WIF1: variants seen among roughly 807,000 people sequenced by gnomAD.
WIF1 encodes Wnt inhibitory factor 1.
WIF1 carries 35 observed loss-of-function variants against 53.5 expected under a neutral mutation model. The ratio of observed to expected loss-of-function variants is 0.65; its 90% confidence interval spans 0.50 to 0.87. The LOEUF is 0.87. Among genes scored for constraint, WIF1 ranks in the 40% least tolerant of loss-of-function variants. The pLI is 0.00. For missense variants in WIF1, 467 were observed against 476.8 expected, an observed-to-expected ratio of 0.98 and a Z score of 0.19; for synonymous variants, 171 against 170.4, an observed-to-expected ratio of 1.00 and a Z score of -0.03.
At chr12:65,067,521 T>C (rs1882705479) in intron 5 of WIF1, among the ~76,000 whole-genome samples, 174 bp downstream of exon 5, 1 of 152,190 alleles carries the variant, frequency 6.6e-6, no homozygotes, top group Non-Finnish European at 1.5e-5. Context: ...CGGGATGAGT[T>C]GGGGGAGATG....
At chr12:65,091,348 A>G (rs553010261) in intron 2 of WIF1, among the ~76,000 whole-genome samples, 13 of 148,214 alleles carry the variant, frequency 8.8e-5, no homozygotes, top group African/African-American at 2.7e-4. Context: ...CATATATAAT[A>G]TATATTATAC....
At chr12:65,097,740 A>G (rs914520608) in intron 2 of WIF1, among the ~76,000 whole-genome samples, 1 of 152,198 alleles carries the variant, frequency 6.6e-6, no homozygotes, top group African/African-American at 2.4e-5. Context: ...CTGACCAGAG[A>G]GTGAATCTTT....
intron 6 of WIF1, among the ~76,000 whole-genome samples, 196 bp from the exon 7 acceptor site, chr12:65,062,772 G>C (rs1433473764): frequency 6.6e-6 from 1 of 152,006 alleles, no homozygotes; most frequent in African/African-American, 2.4e-5. Flanking sequence ...AACATAATAG[G>C]AGACCACACA....
At chr12:65,073,022 T>C (rs1565751927) in intron 3 of WIF1, among the ~76,000 whole-genome samples, 1 of 152,088 alleles carries the variant, frequency 6.6e-6, no homozygotes, top group Non-Finnish European at 1.5e-5. Flanking sequence ...AGCAGCAAAT[T>C]TGTTCTGATT....
At chr12:65,115,174 T>TAAAAAAAA (rs35429732) in intron 2 of WIF1, among the ~76,000 whole-genome samples, 2 of 106,760 alleles carry the variant, frequency 1.9e-5, no homozygotes, top group Non-Finnish European at 3.8e-5. Flanking sequence ...TTGTCATTGC[T>TAAAAAAAA]AAAAAAAAAA....
intron 6 of WIF1, among the ~76,000 whole-genome samples, chr12:65,065,321 C>T (rs1327507683): frequency 1.3e-5 from 2 of 151,908 alleles, no homozygotes; most frequent in African/African-American, 4.8e-5. Flanking sequence ...CGTGGAAGAA[C>T]CAAGGGCTGA....
At chr12:65,076,647 G>C (rs1882865417) in intron 3 of WIF1, among the ~76,000 whole-genome samples, 1 of 152,062 alleles carries the variant, frequency 6.6e-6, no homozygotes, top group Non-Finnish European at 1.5e-5. Context: ...TCTGTGCTGG[G>C]CCCTGGGGTG....
intron 6 of WIF1, among the ~76,000 whole-genome samples, chr12:65,063,373 A>G (rs999224698): frequency 2.0e-5 from 3 of 152,238 alleles, no homozygotes; most frequent in Admixed American, 6.5e-5. Context: ...ATCTAAAAAT[A>G]GACAAGTTGG....
chr12:65,061,970 T>A (rs1042207179), intron 7 of WIF1, among the ~76,000 whole-genome samples: 1 of 152,226 alleles, frequency 6.6e-6, no homozygotes, highest in Non-Finnish European at 1.5e-5. Context: ...TGTTGCTGTT[T>A]GTGCTACTAT....
At chr12:65,055,016 G>A (rs1387495888) in intron 9 of WIF1, 102 bp downstream of exon 9, 1 of 1,219,500 alleles carries the variant, frequency 8.2e-7, no homozygotes, top group African/African-American at 1.5e-5. Flanking sequence ...AGCCTTTGAA[G>A]CCAAGAAACC....
At chr12:65,063,349 G>C (rs1299121534) in intron 6 of WIF1, among the ~76,000 whole-genome samples, 3 of 152,154 alleles carry the variant, frequency 2.0e-5, no homozygotes, top group African/African-American at 4.8e-5. Context: ...AATGGAGAGG[G>C]GAGGAGAGGA....
chr12:65,059,454 A>G (rs971153468), intron 7 of WIF1, among the ~76,000 whole-genome samples: 5 of 152,316 alleles, frequency 3.3e-5, no homozygotes, highest in Non-Finnish European at 7.3e-5. Flanking sequence ...TAATCCTTGC[A>G]TTAGAAAAGG....
intron 2 of WIF1, among the ~76,000 whole-genome samples, chr12:65,079,164 CAAAAA>C (rs1226121849): frequency 1.0e-4 from 8 of 80,112 alleles, no homozygotes; most frequent in Non-Finnish European, 1.8e-4. Flanking sequence ...GACTCCATCT[CAAAAA>C]AAAAAAAAAA....
At chr12:65,051,972 G>C (rs1200711016) in intron 9 of WIF1, among the ~76,000 whole-genome samples, 1 of 152,166 alleles carries the variant, frequency 6.6e-6, no homozygotes, top group African/African-American at 2.4e-5. Context: ...TCCATTATAT[G>C]TGTCAGGGAA....
chr12:65,111,375 G>A (rs1234467910), intron 2 of WIF1, among the ~76,000 whole-genome samples: 2 of 152,038 alleles, frequency 1.3e-5, no homozygotes, highest in African/African-American at 4.8e-5. Context: ...TAAAGTCCCA[G>A]GTGCCTTCAC....
chr12:65,055,214 C>G lies in WIF1; in HGVS notation c.923-1G>C. ...GCACCACAGCCAGGCTCGCAGACAG[C>G]TAGAATCAAAAGAAATAAAAAGAGT... On this transcript the variant is annotated splice_acceptor_variant, in intron 8 of 9. Transcript: ENST00000286574. LOFTEE classifies it high-confidence loss of function. 6.2e-7 allele frequency: 1 copy of G among 1,611,806 alleles called. No homozygotes were observed. Among genetic ancestry groups the G allele is most frequent in the Non-Finnish European group, 8.5e-7 (1 of 1,179,412 alleles).
chr12:65,056,015 T>C lies in WIF1; in HGVS notation c.922+16A>G. On this transcript the variant is annotated intron_variant, in intron 8 of 9. Transcript: ENST00000286574. Reference sequence around the variant, plus strand: ...GACCTAGTAGCCCAGATTGGCAATGTGTATGGGGTACTTACGCTTTGAACA... The same window carrying C: ...GACCTAGTAGCCCAGATTGGCAATGCGTATGGGGTACTTACGCTTTGAACA... 4 of 1,610,982 alleles carry C rather than the reference T, an allele frequency of 2.5e-6. No individual in the cohort carries two copies. The highest frequency in any genetic ancestry group is 2.5e-6 in the Non-Finnish European group (3 of 1,178,412).
intron 6 of WIF1, among the ~76,000 whole-genome samples, chr12:65,063,834 C>A (rs1427842520): frequency 6.6e-6 from 1 of 152,054 alleles, no homozygotes; most frequent in Non-Finnish European, 1.5e-5. Flanking sequence ...CTGCCTCAGC[C>A]TCCCAGATGG....
intron 2 of WIF1, among the ~76,000 whole-genome samples, chr12:65,102,106 C>T (rs1883290640): frequency 6.6e-6 from 1 of 151,960 alleles, no homozygotes; most frequent in South Asian, 2.1e-4. Flanking sequence ...AAACTGAGGC[C>T]CTCAAGAGTT....
Sources: gnomAD v4.1 joint callset for allele counts (sites outside exome capture counted in the v4.1 genomes callset) on GRCh38, gnomAD v4.1.1 for gene constraint, MANE v1.5 for transcripts, NCBI Gene and HGNC (gene_info 2026-07-23, HGNC 2026-07-21) for gene names.